RTL9: variants seen among roughly 807,000 people sequenced by gnomAD.
RTL9 encodes the protein retrotransposon Gag like 9.
A neutral mutation model predicts 44.7 loss-of-function variants in RTL9; 19 were observed. The ratio of observed to expected loss-of-function variants is 0.42; its 90% CI spans 0.30 to 0.62. The LOEUF (loss-of-function observed/expected upper bound fraction) is 0.62. Among genes scored for constraint, RTL9 ranks in the 20% least tolerant of loss-of-function variants. The pLI is 0.16. For synonymous variants in RTL9, 407 were observed against 398.9 expected (o/e 1.02, Z -0.24); for missense variants, 1,105 against 1,080.6 (o/e 1.02, Z -0.32).
chrX:110,373,209 C>A (rs913642465), intron 1 of RTL9, among the ~76,000 whole-genome samples: 1 of 111,811 alleles, frequency 8.9e-6, no homozygotes, highest in Non-Finnish European at 1.9e-5. Flanking sequence ...AGGACCATGC[C>A]TGTAAGTAAA....
In RTL9 at chrX:110,452,211, G is replaced by A. The variant is rs1334794794; in HGVS notation, c.1594G>A (p.Ala532Thr). ...GTCCATGCCACAATTGACAGTCCCA[G>A]CCTCTGGATCAATGTCCATGCTGCA... Residue 532 changes from alanine (A) to threonine (T), a missense_variant, in exon 1 of 2, where the codon GCC (alanine) becomes ACC (threonine). Physicochemically the swap from Ala to Thr is moderately conservative, Grantham distance 58. Coordinates refer to ENST00000540313, the Ensembl canonical transcript of RTL9. The A allele has an allele frequency of 3.3e-6, 4 of 1,212,048 alleles. No individual in the cohort carries two copies. In the South Asian group the frequency reaches 7.0e-5, roughly 21 times the overall value.
chrX:110,414,067 C>T (rs1422935609), upstream of RTL9, among the ~76,000 whole-genome samples: 1 of 111,583 alleles, frequency 9.0e-6, no homozygotes, highest in Non-Finnish European at 1.9e-5. Context: ...TGCGTATATC[C>T]CCAATTCCCT....
intron 1 of RTL9, among the ~76,000 whole-genome samples, chrX:110,366,258 C>T (rs2068296472): frequency 8.9e-6 from 1 of 111,806 alleles, no homozygotes; most frequent in Non-Finnish European, 1.9e-5. Flanking sequence ...TAAAGAGCTC[C>T]ATGAACAAGC....
chrX:110,386,571 T>C (rs1231763029), intron 1 of RTL9, among the ~76,000 whole-genome samples: 1 of 111,944 alleles, frequency 8.9e-6, no homozygotes, highest in Non-Finnish European at 1.9e-5. Flanking sequence ...TTCTTATATA[T>C]TCTGCATGCA....
At chrX:110,425,694 A>G (rs1055006031) in intron 1 of RTL9, among the ~76,000 whole-genome samples, 1 of 112,138 alleles carries the variant, frequency 8.9e-6, no homozygotes, top group African/African-American at 3.2e-5. Context: ...AGCAAGTACT[A>G]TTATTTCCCC....
At chrX:110,441,481 C>G (rs775362836) in intron 1 of RTL9, among the ~76,000 whole-genome samples, 13 of 112,173 alleles carry the variant, frequency 1.2e-4, no homozygotes, top group Non-Finnish European at 2.3e-4. Context: ...CTCAGTTTTC[C>G]CATCTGTCAA....
At chrX:110,396,989 T>C (rs1007025950) in intron 1 of RTL9, among the ~76,000 whole-genome samples, 5 of 111,752 alleles carry the variant, frequency 4.5e-5, no homozygotes, top group African/African-American at 1.3e-4. Context: ...CTTCTTTTTT[T>C]CCATGTTCCT....
intron 1 of RTL9, among the ~76,000 whole-genome samples, chrX:110,379,162 T>C (rs2068400838): frequency 1.8e-5 from 2 of 112,034 alleles, no homozygotes. Context: ...ACCTTTCAAT[T>C]GCTCTCTAGT....
intron 1 of RTL9, chrX:110,440,010 C>A (rs1003509189): frequency 2.7e-5 from 3 of 110,649 alleles, no homozygotes; most frequent in Non-Finnish European, 5.7e-5. Flanking sequence ...AAATCTTGTC[C>A]CCCGAAAGCC....
At chrX:110,411,945 A>G (rs1448339139) in intron 1 of RTL9, among the ~76,000 whole-genome samples, 1 of 112,834 alleles carries the variant, frequency 8.9e-6, no homozygotes, top group Non-Finnish European at 1.9e-5. Context: ...AGGAAGGAAT[A>G]AACGAGCTTC....
intron 1 of RTL9, among the ~76,000 whole-genome samples, chrX:110,396,356 T>A (rs1361459089): frequency 1.8e-5 from 2 of 112,082 alleles, no homozygotes; most frequent in Non-Finnish European, 3.8e-5. Flanking sequence ...TCTTTCTTTT[T>A]CCCTCTTATG....
intron 1 of RTL9, among the ~76,000 whole-genome samples, chrX:110,383,490 C>G (rs1055527098): frequency 9.0e-6 from 1 of 111,176 alleles, no homozygotes; most frequent in African/African-American, 3.3e-5. Context: ...TTTCTTATTA[C>G]TCAGCCTACC....
intron 1 of RTL9, among the ~76,000 whole-genome samples, chrX:110,380,187 T>G (rs755942136): frequency 1.8e-5 from 2 of 111,586 alleles, no homozygotes; most frequent in South Asian, 7.6e-4. Context: ...CATAGGACAG[T>G]AGTAGGAATT....
At chrX:110,417,880 TG>T (rs2068689011), upstream of RTL9, among the ~76,000 whole-genome samples, 1 of 112,645 alleles carries the variant, frequency 8.9e-6, no homozygotes, top group Non-Finnish European at 1.9e-5. Flanking sequence ...TGGGAAGTGA[TG>T]GAGTTGGAAT....
intron 1 of RTL9, among the ~76,000 whole-genome samples, chrX:110,372,292 T>C (rs1425043209): frequency 8.9e-6 from 1 of 112,695 alleles, no homozygotes; most frequent in Non-Finnish European, 1.9e-5. Context: ...TCAAATTATT[T>C]GATTTTAAAA....
chrX:110,381,991 C>A (rs969012351), intron 1 of RTL9, among the ~76,000 whole-genome samples: 1 of 110,290 alleles, frequency 9.1e-6, no homozygotes, highest in Non-Finnish European at 1.9e-5. Context: ...GTACATGTAC[C>A]CCCTGAATCT....
chrX:110,417,996 A>G (rs1410296274), upstream of RTL9, among the ~76,000 whole-genome samples: 1 of 112,775 alleles, frequency 8.9e-6, no homozygotes, highest in Non-Finnish European at 1.9e-5. Context: ...CAAAAGCTTC[A>G]TGCCAGAGAT....
intron 1 of RTL9, among the ~76,000 whole-genome samples, chrX:110,367,420 A>G (rs1162070025): frequency 5.4e-5 from 6 of 111,827 alleles, no homozygotes; most frequent in African/African-American, 1.6e-4. Context: ...TCAGTATTAA[A>G]TTCAATGGTC....
exon 1 of RTL9, chrX:110,453,264 G>A (rs753913998): frequency 8.3e-7 from 1 of 1,211,569 alleles, no homozygotes; most frequent in Non-Finnish European, 1.1e-6. Context: ...AGCTTCTGGA[G>A]ACATGTGCAC....
Sources: allele counts gnomAD v4.1 joint callset (sites outside exome capture counted in the v4.1 genomes callset), GRCh38; gene constraint gnomAD v4.1.1; transcripts MANE v1.5; gene names NCBI Gene and HGNC (gene_info 2026-07-23, HGNC 2026-07-21).